SLC6A16: variants seen among roughly 807,000 people sequenced by gnomAD.
SLC6A16 encodes the protein solute carrier family 6 member 16.
A neutral mutation model predicts 65.4 loss-of-function variants in SLC6A16; 54 were observed. That is an observed-to-expected ratio of 0.83 (90% CI 0.66 to 1.04). SLC6A16 has a LOEUF of 1.04. SLC6A16 is among the 50% of genes least tolerant of loss of function. SLC6A16 has a pLI of 0.00. For missense variants in SLC6A16, 816 were observed against 914.0 expected (o/e 0.89, Z 1.38); for synonymous variants, 330 against 346.5 (o/e 0.95, Z 0.53).
intron 1 of SLC6A16, among the ~76,000 whole-genome samples, chr19:49,320,484 A>C (rs1412786450): frequency 2.0e-5 from 3 of 152,042 alleles, no homozygotes; most frequent in Admixed American, 6.6e-5. Context: ...AGAAACTAGA[A>C]AAGCAAACTA....
At position 49,311,295 on chromosome 19, in the gene SLC6A16, G is replaced by A; in HGVS notation, c.53C>T (p.Thr18Ile). The change falls in exon 2 of 12, where the codon ACT becomes ATT. Residue 18 changes from threonine to isoleucine, a missense_variant. Transcript: ENST00000335875. ...STSLLANTSW[T>I]GTVISDSVPG... is the part of the protein sequence containing the mutation. ...GACACTGTCAGAAATCACTGTGCCA[G>A]TCCATGAGGTGTTTGCCAGCAAGGA... is the stretch of plus-strand genomic sequence containing the variant. The A allele has an allele frequency of 1.2e-6, 2 of 1,608,686 alleles. No homozygotes were observed. Among genetic ancestry groups the A allele is most frequent in the Non-Finnish European group, 1.7e-6 (2 of 1,177,768 alleles).
chr19:49,339,220 G>T, the SLC6A16 span: 1 of 962,128 alleles, frequency 1.0e-6, no homozygotes, highest in South Asian at 1.5e-5. The surrounding 1 kb of genome is among the most constrained non-coding windows in gnomAD (Gnocchi z 4.5). Flanking sequence ...CTGGTGACTA[G>T]GGGAGCGGGT....
At chr19:49,325,685 C>G (rs149107770), upstream of SLC6A16, among the ~76,000 whole-genome samples, 213 of 152,278 alleles carry the variant, frequency 1.4e-3, 2 homozygotes, top group African/African-American at 4.9e-3. Flanking sequence ...CGTTCTCATA[C>G]TTTCCGGTCT....
chr19:49,320,432 A>C (rs928833704), intron 1 of SLC6A16, among the ~76,000 whole-genome samples: 8 of 151,972 alleles, frequency 5.3e-5, no homozygotes, highest in East Asian at 1.9e-4. Flanking sequence ...AACAAACAAA[A>C]AAAAACCAGA....
At chr19:49,301,185 C>T (rs1300217057) in intron 7 of SLC6A16, among the ~76,000 whole-genome samples, 1 of 152,154 alleles carries the variant, frequency 6.6e-6, no homozygotes, top group African/African-American at 2.4e-5. Context: ...TTCCATTTTG[C>T]CCACATCACC....
At chr19:49,315,277 C>A (rs892581739) in intron 1 of SLC6A16, among the ~76,000 whole-genome samples, 5 of 152,142 alleles carry the variant, frequency 3.3e-5, no homozygotes, top group African/African-American at 9.7e-5. Flanking sequence ...TAAAAACAAT[C>A]ACTTGCCAAA....
intron 6 of SLC6A16, 83 bp from the exon 7 acceptor site, chr19:49,309,200 G>A: frequency 6.3e-7 from 1 of 1,593,774 alleles, no homozygotes; most frequent in Non-Finnish European, 8.6e-7. Flanking sequence ...AGGGAGGAGA[G>A]AGGGAGATAC....
intron 1 of SLC6A16, chr19:49,312,570 T>C: frequency 3.0e-6 from 3 of 985,020 alleles, no homozygotes; most frequent in Non-Finnish European, 3.6e-6. Context: ...TCTGAACTTC[T>C]GTTGGCTCTT....
chr19:49,338,134 A>G, the SLC6A16 span: 20 of 1,499,990 alleles, frequency 1.3e-5, no homozygotes, highest in Non-Finnish European at 1.8e-5. This position sits in a 1 kb window ranked among gnomAD's most constrained non-coding sequence, Gnocchi z 5.0. Context: ...CTACGATCCT[A>G]ACACACCCCA....
intron 7 of SLC6A16, among the ~76,000 whole-genome samples, chr19:49,296,981 C>T (rs1397513490): frequency 6.6e-6 from 1 of 151,870 alleles, no homozygotes; most frequent in Non-Finnish European, 1.5e-5. Flanking sequence ...AGAGTGAGAC[C>T]CTATCTCAAA....
intron 7 of SLC6A16, among the ~76,000 whole-genome samples, chr19:49,300,941 A>G (rs546548693): frequency 1.3e-5 from 2 of 152,218 alleles, no homozygotes; most frequent in Admixed American, 6.5e-5. Context: ...AATCCCATCT[A>G]CTTGGGAGGC....
chr19:49,309,562 A>T (rs1462612695), intron 5 of SLC6A16, 89 bp downstream of exon 5: 31 of 1,354,030 alleles, frequency 2.3e-5, no homozygotes, highest in Non-Finnish European at 3.2e-5. Context: ...AAGCCAAAGG[A>T]GTAAGAGATT....
At position 49,311,000 on chromosome 19, in the gene SLC6A16, C is replaced by T; in HGVS notation, c.348G>A (p.Gln116=). 1 of 1,614,242 alleles carries T rather than the reference C, an allele frequency of 6.2e-7. No homozygotes were observed. Among genetic ancestry groups the T allele is most frequent in the Non-Finnish European group, 8.5e-7 (1 of 1,180,052 alleles). The change falls in exon 2 of 12, where the codon CAG becomes CAA. Residue 116 remains glutamine, a synonymous_variant. Coordinates refer to ENST00000335875, the MANE Select transcript of SLC6A16 (RefSeq NM_014037.3). The stretch of plus-strand genomic sequence containing the variant: ...AAGATGGCTTCATAGAGAAGCCCAC[C>T]TGAGCCAGAATATACTCAGTTTTGC... ...WSSKTEYILA[Q]VGFSMKPSCL...
intron 1 of SLC6A16, chr19:49,312,479 C>T (rs758496825): frequency 5.3e-6 from 4 of 756,570 alleles, no homozygotes; most frequent in Non-Finnish European, 6.4e-6. Context: ...TCTCTGCCTA[C>T]TGCTCTATCT....
chr19:49,330,834 C>G, the SLC6A16 span, among the ~76,000 whole-genome samples: 2 of 151,710 alleles, frequency 1.3e-5, no homozygotes, highest in Non-Finnish European at 2.9e-5. Context: ...CCCAGCTACT[C>G]AGGAGGCTGA....
At chr19:49,306,832 G>A (rs1033035532) in intron 7 of SLC6A16, among the ~76,000 whole-genome samples, 4 of 151,848 alleles carry the variant, frequency 2.6e-5, no homozygotes, top group Admixed American at 6.6e-5. Flanking sequence ...ATGAGCCACC[G>A]CACCCGGCTT....
At position 49,290,645 on chromosome 19, in the gene SLC6A16, C is replaced by CAA; in HGVS notation, c.1899_1900dup (p.Cys634PhefsTer3). 6.2e-7 allele frequency: 1 copy of CAA among 1,614,048 alleles called. No individual in the cohort carries two copies. The highest frequency in any genetic ancestry group is 8.5e-7 in the Non-Finnish European group (1 of 1,179,986). On this transcript the variant is annotated frameshift_variant, in exon 11 of 12. Transcript: ENST00000335875. LOFTEE classifies it high-confidence loss of function. ...GGACATGTAGGTGATCGGCTTCATACAAAGATGAACCATCATGGTCACAAA... is the reference window on the plus strand; with the variant it reads ...GGACATGTAGGTGATCGGCTTCATACAAAAAGATGAACCATCATGGTCACAAA...
chr19:49,339,361 A>G, the SLC6A16 span: 1 of 1,614,074 alleles, frequency 6.2e-7, no homozygotes, highest in African/African-American at 1.3e-5. This position sits in a 1 kb window ranked among gnomAD's most constrained non-coding sequence, Gnocchi z 4.5. Context: ...AAGTGGCTGC[A>G]CAACAACCTT....
In SLC6A16 at chr19:49,313,497, C is replaced by T. The variant is rs1169410111; in HGVS notation, c.-64-2086G>A. ...ATTACTTTAATAATCAATAAAAATA[C>T]GGCCAGGCATGGTGATTCATGCCTG... On this transcript the variant is annotated intron_variant, in intron 1 of 11. Transcript: ENST00000335875. 4.6e-5 allele frequency among the ~76,000 whole-genome samples: 7 copies of T among 151,864 alleles called. No homozygotes were observed. The East Asian group carries it at 5.8e-4, about 13-fold the overall frequency.
Sources: gnomAD v4.1 joint callset for allele counts (sites outside exome capture counted in the v4.1 genomes callset) on GRCh38, gnomAD v4.1.1 for gene constraint, Gnocchi (gnomAD v3.1) non-coding constraint, MANE v1.5 for transcripts, NCBI Gene and HGNC (gene_info 2026-07-23, HGNC 2026-07-21) for gene names.